IQCM: variants seen among roughly 807,000 people sequenced by gnomAD.
The protein encoded by IQCM is IQ motif containing M.
Under a neutral mutation model 57.6 loss-of-function variants are expected in IQCM, and 45 were observed. The observed-to-expected ratio is 0.78, with a 90% CI of 0.62 to 1.00. The LOEUF is 1.00. Among genes scored for constraint, IQCM ranks in the 50% least tolerant of loss-of-function variants. IQCM has a pLI of 0.00. For synonymous variants in IQCM, 148 were observed against 158.9 expected (o/e 0.93, Z 0.51); for missense variants, 468 against 511.6 (o/e 0.91, Z 0.82).
At chr4:149,389,764 G>A (rs1170532012) in intron 13 of IQCM, among the ~76,000 whole-genome samples, 1 of 151,256 alleles carries the variant, frequency 6.6e-6, no homozygotes, top group African/African-American at 2.4e-5. Flanking sequence ...GCTAGATGAC[G>A]AGTTAGTGGG....
intron 12 of IQCM, among the ~76,000 whole-genome samples, chr4:149,510,550 C>T (rs1300531325): frequency 6.6e-6 from 1 of 152,096 alleles, no homozygotes; most frequent in East Asian, 1.9e-4. Flanking sequence ...CATCTTCCAT[C>T]ATCATGAGAC....
At chr4:149,627,408 A>G (rs1756908430) in intron 7 of IQCM, among the ~76,000 whole-genome samples, 1 of 152,134 alleles carries the variant, frequency 6.6e-6, no homozygotes, top group Non-Finnish European at 1.5e-5. Flanking sequence ...GCATAGATCA[A>G]TTTCTCCTTA....
chr4:149,774,061 T>G (rs951765481), intron 2 of IQCM, among the ~76,000 whole-genome samples: 2 of 152,218 alleles, frequency 1.3e-5, no homozygotes, highest in African/African-American at 4.8e-5. Context: ...CTATCGTGAC[T>G]TTCAAGGTAA....
At chr4:149,405,264 A>T (rs1032499665) in intron 13 of IQCM, among the ~76,000 whole-genome samples, 3 of 152,106 alleles carry the variant, frequency 2.0e-5, no homozygotes, top group Non-Finnish European at 4.4e-5. Context: ...GTCAAACAGG[A>T]ACTTCCTAGG....
At chr4:149,474,878 G>T (rs886924981) in intron 12 of IQCM, among the ~76,000 whole-genome samples, 1 of 151,962 alleles carries the variant, frequency 6.6e-6, no homozygotes, top group Non-Finnish European at 1.5e-5. Flanking sequence ...GAATGGCCAC[G>T]GTGTTCAAAA....
chr4:149,516,165 T>A (rs1421440107), intron 12 of IQCM, among the ~76,000 whole-genome samples: 2 of 152,228 alleles, frequency 1.3e-5, no homozygotes, highest in African/African-American at 4.8e-5. Context: ...GTCCTCGATA[T>A]GGCACCACTC....
intron 8 of IQCM, among the ~76,000 whole-genome samples, chr4:149,603,476 C>T (rs1020169050): frequency 2.6e-5 from 4 of 152,062 alleles, no homozygotes; most frequent in Non-Finnish European, 4.4e-5. Flanking sequence ...TACTACCAAC[C>T]AGGTCTCACC....
At chr4:149,690,373 T>A (rs965280214) in intron 5 of IQCM, among the ~76,000 whole-genome samples, 3 of 150,908 alleles carry the variant, frequency 2.0e-5, no homozygotes, top group Non-Finnish European at 4.4e-5. Flanking sequence ...AGCTAAGACA[T>A]GTGGATGCAA....
chr4:149,476,891 A>G (rs1414965713), intron 12 of IQCM, among the ~76,000 whole-genome samples: 4 of 152,184 alleles, frequency 2.6e-5, no homozygotes, highest in African/African-American at 9.7e-5. Flanking sequence ...CTATTGGTAC[A>G]ATAACAACAA....
chr4:149,449,677 A>T (rs1158526244), intron 12 of IQCM, among the ~76,000 whole-genome samples: 1 of 151,546 alleles, frequency 6.6e-6, no homozygotes, highest in African/African-American at 2.4e-5. Flanking sequence ...CTATAATGAA[A>T]ACTATAAAAC....
chr4:149,777,813 C>A (rs2150001962), intron 2 of IQCM, among the ~76,000 whole-genome samples: 1 of 152,274 alleles, frequency 6.6e-6, no homozygotes, highest in Admixed American at 6.5e-5. Context: ...CCTCAGCACC[C>A]AAGGACTGAC....
chr4:149,364,902 A>G (rs575545029), intron 13 of IQCM, among the ~76,000 whole-genome samples: 1 of 152,184 alleles, frequency 6.6e-6, no homozygotes, highest in East Asian at 1.9e-4. Context: ...AACCTAAGTA[A>G]CTCTGGAAAT....
chr4:149,664,904 G>A (rs1760570006), intron 7 of IQCM, among the ~76,000 whole-genome samples: 1 of 152,150 alleles, frequency 6.6e-6, no homozygotes, highest in Non-Finnish European at 1.5e-5. Flanking sequence ...ATGCCAGTGT[G>A]CACAGGCGCA....
chr4:149,417,898 A>T (rs952474741), intron 13 of IQCM, among the ~76,000 whole-genome samples: 7 of 151,538 alleles, frequency 4.6e-5, no homozygotes, highest in South Asian at 2.1e-4. Context: ...ATCCACAGCA[A>T]TTGTGGTTTA....
At chr4:149,577,365 GT>G (rs1446384115) in intron 9 of IQCM, among the ~76,000 whole-genome samples, 1 of 151,754 alleles carries the variant, frequency 6.6e-6, no homozygotes, top group Non-Finnish European at 1.5e-5. Flanking sequence ...ATACTTTTAG[GT>G]TTTACATTTA....
chr4:149,685,751 T>C (rs1202292299), intron 6 of IQCM, among the ~76,000 whole-genome samples: 1 of 151,606 alleles, frequency 6.6e-6, no homozygotes, highest in Non-Finnish European at 1.5e-5. Flanking sequence ...GTATAAATGT[T>C]CTTACCAAAT....
chr4:149,775,590 C>T (rs1201799869), intron 2 of IQCM, among the ~76,000 whole-genome samples: 1 of 151,610 alleles, frequency 6.6e-6, no homozygotes, highest in Admixed American at 6.6e-5. Context: ...GGCTTTTAAT[C>T]AGGTCTTTAA....
chr4:149,528,445 G>A (rs1290627666), intron 12 of IQCM, among the ~76,000 whole-genome samples: 1 of 152,142 alleles, frequency 6.6e-6, no homozygotes, highest in Non-Finnish European at 1.5e-5. Flanking sequence ...TACATGGCAA[G>A]GATAGTATTA....
At chr4:149,446,923 A>C (rs1201390354) in intron 12 of IQCM, among the ~76,000 whole-genome samples, 2 of 151,534 alleles carry the variant, frequency 1.3e-5, no homozygotes, top group African/African-American at 4.8e-5. Flanking sequence ...TTAAAAGAGC[A>C]AAAATCTAAA....
Sources: gnomAD v4.1 joint callset for allele counts (sites outside exome capture counted in the v4.1 genomes callset) on GRCh38, gnomAD v4.1.1 for gene constraint, MANE v1.5 for transcripts, NCBI Gene and HGNC (gene_info 2026-07-23, HGNC 2026-07-21) for gene names.